The following NTM variants were observed in gnomAD, a reference collection of about 807,000 sequenced individuals.
NTM encodes neurotrimin.
In NTM, 13 loss-of-function variants were observed where a neutral mutation model predicts 42.1. The ratio of observed to expected loss-of-function variants is 0.31; its 90% CI spans 0.20 to 0.49. The LOEUF (loss-of-function observed/expected upper bound fraction) is 0.49, where lower values mean the gene tolerates loss of function less well. NTM is among the 20% of genes least tolerant of loss of function. NTM has a pLI of 0.99. For synonymous variants in NTM, 187 were observed against 179.2 expected, an observed-to-expected ratio of 1.04 and a Z score of -0.35; for missense variants, 373 against 452.8, an observed-to-expected ratio of 0.82 and a Z score of 1.60.
intron 2 of NTM, among the ~76,000 whole-genome samples, chr11:132,067,240 G>A (rs1396345583): frequency 6.6e-6 from 1 of 152,214 alleles, no homozygotes; most frequent in African/African-American, 2.4e-5. Flanking sequence ...ATGAGCCACT[G>A]TACCCAACCA....
rs565233408 is a variant in NTM, at chr11:131,450,599, T to A, written c.82+79711T>A. On this transcript the variant is annotated intron_variant, in intron 1 of 8. Transcript: ENST00000683400. The stretch of plus-strand genomic sequence containing the variant: ...ACTGCCCTTGGTGCCTTCACACTCT[T>A]ATGCATGCTCCTCATCCATTTTTCT... 5.3e-5 allele frequency among the ~76,000 whole-genome samples: 8 copies of A among 152,320 alleles called. No homozygotes were observed. In the South Asian group the frequency reaches 8.3e-4, roughly 16 times the overall value.
chr11:132,294,879 G>A (rs910474722), intron 4 of NTM, among the ~76,000 whole-genome samples: 12 of 152,150 alleles, frequency 7.9e-5, no homozygotes, highest in South Asian at 2.1e-4. Flanking sequence ...GATGACATAA[G>A]AAAGCTCTCT....
intron 1 of NTM, among the ~76,000 whole-genome samples, chr11:131,608,468 A>C (rs1004255908): frequency 1.3e-5 from 2 of 152,242 alleles, no homozygotes; most frequent in Middle Eastern, 3.4e-3. Flanking sequence ...AACCTCAATT[A>C]AGAAAGAAAG....
At chr11:131,750,496 C>T (rs189177137) in intron 1 of NTM, among the ~76,000 whole-genome samples, 2 of 152,338 alleles carry the variant, frequency 1.3e-5, no homozygotes, top group Admixed American at 6.5e-5. Context: ...TTTCTCTCCA[C>T]TTGGTGCCTC....
chr11:132,315,345 A>G (rs1329313023), intron 7 of NTM, among the ~76,000 whole-genome samples: 1 of 152,186 alleles, frequency 6.6e-6, no homozygotes, highest in African/African-American at 2.4e-5. Context: ...GCTAGCAGAC[A>G]GCTGTGCAGA....
intron 2 of NTM, among the ~76,000 whole-genome samples, chr11:131,978,207 A>G (rs1328781199): frequency 1.3e-5 from 2 of 152,186 alleles, no homozygotes; most frequent in South Asian, 2.1e-4. Context: ...CAAATTGACA[A>G]TGGATGGAAC....
intron 1 of NTM, among the ~76,000 whole-genome samples, chr11:131,547,076 A>C (rs2054044083): frequency 2.0e-5 from 3 of 151,878 alleles, no homozygotes; most frequent in Non-Finnish European, 4.4e-5. Context: ...AGATCCATGC[A>C]CATATGTGAC....
intron 1 of NTM, among the ~76,000 whole-genome samples, chr11:131,898,435 G>C (rs936415444): frequency 2.6e-5 from 4 of 152,114 alleles, no homozygotes; most frequent in Non-Finnish European, 5.9e-5. Flanking sequence ...TGCTGAGATC[G>C]AGTGATTATA....
intron 1 of NTM, among the ~76,000 whole-genome samples, chr11:131,887,816 G>T (rs2050643929): frequency 6.6e-6 from 1 of 152,136 alleles, no homozygotes; most frequent in Non-Finnish European, 1.5e-5. Flanking sequence ...GCTATATTGT[G>T]GTGGCTTATC....
At chr11:131,553,876 G>GC (rs2055035778) in intron 1 of NTM, among the ~76,000 whole-genome samples, 1 of 152,098 alleles carries the variant, frequency 6.6e-6, no homozygotes, top group South Asian at 2.1e-4. Flanking sequence ...ACAACCCGTT[G>GC]CCCATATATA....
At chr11:131,697,274 C>T (rs1278253992) in intron 1 of NTM, among the ~76,000 whole-genome samples, 2 of 152,222 alleles carry the variant, frequency 1.3e-5, no homozygotes, top group Middle Eastern at 3.2e-3. Flanking sequence ...CTCTCAGAGC[C>T]TCTTGGAGAC....
At chr11:131,990,925 C>T (rs750146994) in intron 2 of NTM, among the ~76,000 whole-genome samples, 6 of 152,046 alleles carry the variant, frequency 3.9e-5, no homozygotes, top group East Asian at 1.9e-4. Context: ...GGCTCTGAAC[C>T]GAGTTACCTG....
chr11:132,330,256 A>G (rs1409958339), intron 8 of NTM, 71 bp downstream of exon 8: 1 of 1,514,190 alleles, frequency 6.6e-7, no homozygotes, highest in Non-Finnish European at 9.0e-7. Context: ...CCTTCCTCCC[A>G]GATGCCTTCT....
intron 1 of NTM, among the ~76,000 whole-genome samples, chr11:131,827,614 A>T (rs910429718): frequency 6.6e-6 from 1 of 152,206 alleles, no homozygotes; most frequent in South Asian, 2.1e-4. Context: ...ATGAAACCAC[A>T]CTACTTCCCC....
chr11:132,125,700 G>C (rs1591671484), intron 2 of NTM, among the ~76,000 whole-genome samples: 6 of 70 alleles, frequency 0.086, no homozygotes, highest in South Asian at 0.5. Flanking sequence ...TGTGGTGTGA[G>C]TGTGGTGTGT....
rs142143814 is a variant in NTM at position 131,958,478 on chromosome 11, G to A, written c.167+46830G>A. ...AACTGTAGTCTTTGATGAGAAAATC[G>A]TGTTTAGGGAAAACAAGAAATTATT... On this transcript the variant is annotated intron_variant, in intron 2 of 8. Coordinates refer to ENST00000683400, the MANE Select transcript of NTM (RefSeq NM_001352005.2). Among the ~76,000 whole-genome samples, 174 of 152,226 alleles carry A rather than the reference G, an allele frequency of 1.1e-3. 1 individual carries two copies. Among genetic ancestry groups the A allele is most frequent in the African/African-American group, 4.0e-3 (167 of 41,532 alleles).
At chr11:132,112,832 A>C (rs2063403810) in intron 2 of NTM, among the ~76,000 whole-genome samples, 1 of 152,044 alleles carries the variant, frequency 6.6e-6, no homozygotes, top group Non-Finnish European at 1.5e-5. Flanking sequence ...TATTCAGATT[A>C]GCTTTGAATG....
intron 1 of NTM, among the ~76,000 whole-genome samples, chr11:131,825,846 C>T (rs998398666): frequency 6.6e-6 from 1 of 152,110 alleles, no homozygotes; most frequent in Non-Finnish European, 1.5e-5. Context: ...AATATGAATT[C>T]AGTCTTGACT....
chr11:131,769,169 C>T (rs187387708), intron 1 of NTM, among the ~76,000 whole-genome samples: 312 of 152,324 alleles, frequency 2.0e-3, no homozygotes, highest in Non-Finnish European at 2.8e-3. Flanking sequence ...CCTGCACTTA[C>T]CTCACAGAGA....
Sources: gnomAD v4.1 joint callset for allele counts (sites outside exome capture counted in the v4.1 genomes callset) on GRCh38, gnomAD v4.1.1 for gene constraint, MANE v1.5 for transcripts, NCBI Gene and HGNC (gene_info 2026-07-23, HGNC 2026-07-21) for gene names.